UBE2D2: variants seen among roughly 807,000 people sequenced by gnomAD.
The protein encoded by UBE2D2 is ubiquitin conjugating enzyme E2 D2.
In UBE2D2, 2 loss-of-function variants were observed where a neutral mutation model predicts 24.2. The ratio of observed to expected loss-of-function variants is 0.08; its 90% CI spans 0.03 to 0.26. The LOEUF is 0.26. UBE2D2 is among the 10% of genes least tolerant of loss of function. The probability of loss-of-function intolerance (pLI) is 1.00; values close to 1 mark genes in which losing one functional copy is unlikely to be tolerated. For synonymous variants in UBE2D2, 58 were observed against 56.5 expected, an observed-to-expected ratio of 1.03 and a Z score of -0.12; for missense variants, 44 against 177.6, an observed-to-expected ratio of 0.25 and a Z score of 4.28.
rs151113780 is a variant in UBE2D2, at chr5:139,608,444, A to G, written c.89-6142A>G. 8.0e-3 allele frequency among the ~76,000 whole-genome samples: 1,223 copies of G among 151,942 alleles called. 10 individuals are homozygous for G. Among genetic ancestry groups the G allele is most frequent in the Middle Eastern group, 0.017 (5 of 292 alleles). On this transcript the variant is annotated intron_variant, in intron 2 of 6. Transcript: ENST00000398733. Reference sequence around the variant, plus strand: ...GACTGTCTCAAAAAAAGAAAGAAAAAAAAGAAGGGTATTCTGGGTATTCTG... The same window carrying G: ...GACTGTCTCAAAAAAAGAAAGAAAAGAAAGAAGGGTATTCTGGGTATTCTG...
Position 139,628,223 on chromosome 5 carries a change from A to T in UBE2D2, c.*1422A>T, listed in dbSNP as rs1269672728. On this transcript the variant is annotated 3_prime_UTR_variant, in exon 7 of 7. Transcript: ENST00000398733. ...AGTCTTCCCTTGACCCTAGTAAAAT[A>T]TAGCTTGAAACTTGTAAACAACTGT... The T allele has an allele frequency of 6.5e-6, 1 of 152,680 alleles. No individual in the cohort carries two copies. The highest frequency in any genetic ancestry group is 1.5e-5 in the Non-Finnish European group (1 of 68,054). The allele number at this position is 152,680 out of a possible 1,614,324, so 9.5% of individuals were successfully genotyped here.
intron 1 of UBE2D2, among the ~76,000 whole-genome samples, chr5:139,549,397 C>T (rs563410780): frequency 9.8e-5 from 15 of 152,300 alleles, no homozygotes; most frequent in Admixed American, 5.9e-4. Context: ...AGGGCCAGCG[C>T]GAGTTCCGGG....
intron 1 of UBE2D2, chr5:139,555,051 GT>G (rs796934983): frequency 4.8e-4 from 67 of 140,734 alleles, no homozygotes; most frequent in Admixed American, 7.2e-4. Flanking sequence ...TTTGTTTTTT[GT>G]TTTTTTTTTT....
chr5:139,555,493 A>G (rs1405564110), intron 1 of UBE2D2, among the ~76,000 whole-genome samples: 3 of 152,210 alleles, frequency 2.0e-5, no homozygotes, highest in African/African-American at 7.2e-5. Context: ...AAAATTAGAA[A>G]AACATTGAAC....
chr5:139,583,954 C>T (rs1269274677), intron 1 of UBE2D2, among the ~76,000 whole-genome samples: 3 of 151,972 alleles, frequency 2.0e-5, no homozygotes, highest in African/African-American at 4.8e-5. Context: ...GCTCTTGTAG[C>T]GCAATTCCTT....
intron 1 of UBE2D2, among the ~76,000 whole-genome samples, chr5:139,581,092 G>A (rs1170164694): frequency 6.6e-6 from 1 of 152,136 alleles, no homozygotes; most frequent in East Asian, 1.9e-4. Flanking sequence ...AGGAGAGGAT[G>A]GGAAGAATAT....
At chr5:139,566,432 G>T (rs1183188525) in intron 1 of UBE2D2, among the ~76,000 whole-genome samples, 1 of 152,122 alleles carries the variant, frequency 6.6e-6, no homozygotes, top group Non-Finnish European at 1.5e-5. Context: ...CCAGCACTTT[G>T]GGAGGCCCAG....
At chr5:139,574,397 T>A (rs529464622) in intron 1 of UBE2D2, among the ~76,000 whole-genome samples, 1 of 152,184 alleles carries the variant, frequency 6.6e-6, no homozygotes, top group Non-Finnish European at 1.5e-5. Flanking sequence ...CGCTTGTAGT[T>A]GGTCCTTCCT....
chr5:139,550,213 C>T (rs924715807), intron 1 of UBE2D2, among the ~76,000 whole-genome samples: 5 of 150,998 alleles, frequency 3.3e-5, no homozygotes, highest in African/African-American at 4.8e-5. Context: ...GGTTTGTAAA[C>T]GCATCAATCA....
intron 2 of UBE2D2, among the ~76,000 whole-genome samples, chr5:139,604,481 T>TA (rs1754154097): frequency 1.3e-5 from 2 of 151,850 alleles, no homozygotes; most frequent in Admixed American, 1.3e-4. Context: ...AATAACCAAT[T>TA]AAAAAATAGT....
intron 1 of UBE2D2, among the ~76,000 whole-genome samples, chr5:139,532,123 A>T (rs1001563759): frequency 2.0e-5 from 3 of 151,444 alleles, no homozygotes; most frequent in Admixed American, 6.6e-5. Context: ...CGAAAATTTC[A>T]GTTTGCATAT....
intron 1 of UBE2D2, among the ~76,000 whole-genome samples, chr5:139,548,181 A>AT (rs1752860808): frequency 4.7e-4 from 17 of 35,810 alleles, no homozygotes; most frequent in Non-Finnish European, 6.5e-4. Flanking sequence ...AAAAAAAAAA[A>AT]AATAAAAAAA....
chr5:139,626,899 C>G lies in UBE2D2; in HGVS notation c.*98C>G, dbSNP rs754387867. On this transcript the variant is annotated 3_prime_UTR_variant, in exon 7 of 7. Transcript: ENST00000398733. Reference sequence around the variant, plus strand: ...CATTTGACTGCTTTCTATGAGCCCACGCCTCATCTTCCCCTGTGCACATGT... The same window carrying G: ...CATTTGACTGCTTTCTATGAGCCCAGGCCTCATCTTCCCCTGTGCACATGT... The G allele has an allele frequency of 3.1e-6, 3 of 973,476 alleles. No homozygotes were observed. Among genetic ancestry groups the G allele is most frequent in the Middle Eastern group, 2.4e-4 (1 of 4,196 alleles). 60.3% of individuals were successfully genotyped at this position (973,476 alleles called of 1,614,324 possible). A position where few individuals can be genotyped will look rare whatever the true frequency, so the allele number is the denominator to read the frequency against.
At position 139,581,120 on chromosome 5, in the gene UBE2D2, T is replaced by G. The variant is rs181198322; in HGVS notation, c.25-19252T>G. Among the ~76,000 whole-genome samples, 40 of 152,208 alleles carry G rather than the reference T, an allele frequency of 2.6e-4. 1 individual carries two copies. The highest frequency in any genetic ancestry group is 9.1e-4 in the African/African-American group (38 of 41,552). ...AAGAATATTCTAGGCAGAGTGTTCCTATAGTCCTGGAGTGGTTGAAATTTA... is the reference window on the plus strand; with the variant it reads ...AAGAATATTCTAGGCAGAGTGTTCCGATAGTCCTGGAGTGGTTGAAATTTA... On this transcript the variant is annotated intron_variant, in intron 1 of 6. Transcript: ENST00000398733.
chr5:139,535,103 C>T (rs779497530), intron 1 of UBE2D2, among the ~76,000 whole-genome samples: 5 of 149,568 alleles, frequency 3.3e-5, no homozygotes, highest in Admixed American at 6.7e-5. Context: ...TCTCATGCCA[C>T]GGCGCTCCAG....
chr5:139,611,558 T>C (rs1754321208), intron 2 of UBE2D2, among the ~76,000 whole-genome samples: 1 of 152,140 alleles, frequency 6.6e-6, no homozygotes, highest in African/African-American at 2.4e-5. Flanking sequence ...ACTATTGAAA[T>C]GACATCAACG....
intron 1 of UBE2D2, among the ~76,000 whole-genome samples, chr5:139,533,880 T>A (rs562228434): frequency 6.7e-6 from 1 of 149,814 alleles, no homozygotes; most frequent in Admixed American, 6.7e-5. Flanking sequence ...CCTCCCGGGT[T>A]CAAGCGATTC....
At chr5:139,556,377 C>A (rs1752981271), upstream of UBE2D2, among the ~76,000 whole-genome samples, 1 of 152,006 alleles carries the variant, frequency 6.6e-6, no homozygotes, top group African/African-American at 2.4e-5. Context: ...CCACTGTACT[C>A]CAGCCTGGGC....
chr5:139,593,384 C>A (rs1753887719), intron 1 of UBE2D2, among the ~76,000 whole-genome samples: 1 of 152,076 alleles, frequency 6.6e-6, no homozygotes, highest in Non-Finnish European at 1.5e-5. Context: ...AGTCCTTACC[C>A]TTGGGTTAGA....
Sources: allele counts gnomAD v4.1 joint callset (sites outside exome capture counted in the v4.1 genomes callset), GRCh38; gene constraint gnomAD v4.1.1; transcripts MANE v1.5; gene names NCBI Gene and HGNC (gene_info 2026-07-23, HGNC 2026-07-21).